The following DYNC2LI1 variants were observed in gnomAD, a reference collection of about 807,000 sequenced individuals.
The protein encoded by DYNC2LI1 is cytoplasmic dynein 2 light intermediate chain 1.
In DYNC2LI1, 45 loss-of-function variants were observed where a neutral mutation model predicts 51.9. The observed-to-expected ratio is 0.87, with a 90% CI of 0.68 to 1.11. The LOEUF (loss-of-function observed/expected upper bound fraction) is 1.11, where lower values mean the gene tolerates loss of function less well. Among genes scored for constraint, DYNC2LI1 ranks in the 50% most tolerant of loss-of-function variants. The pLI is 0.00. For missense variants in DYNC2LI1, 490 were observed against 417.4 expected, an observed-to-expected ratio of 1.17 and a Z score of -1.51; for synonymous variants, 130 against 137.8, an observed-to-expected ratio of 0.94 and a Z score of 0.40.
chr2:43,774,173 G>C (rs1208836140), intron 1 of DYNC2LI1, 27 bp downstream of exon 1: 1 of 1,613,170 alleles, frequency 6.2e-7, no homozygotes, highest in Non-Finnish European at 8.5e-7. Context: ...GCTTGCGTGG[G>C]AAAGGCTACT....
In DYNC2LI1 at chr2:43,783,454, G is replaced by A. The variant is rs181761374; in HGVS notation, c.127-66G>A. On this transcript the variant is annotated intron_variant, in intron 2 of 12. Transcript: ENST00000260605. ...AAAATCTATTTTGGGCCACAATTACGAACAATAATACAATTTTTACATATG... is the reference window on the plus strand; with the variant it reads ...AAAATCTATTTTGGGCCACAATTACAAACAATAATACAATTTTTACATATG... 21 of 1,227,070 alleles carry A rather than the reference G, an allele frequency of 1.7e-5. No homozygotes were observed. In the East Asian group the frequency reaches 1.8e-4, roughly 11 times the overall value. 76.0% of individuals were successfully genotyped at this position (1,227,070 alleles called of 1,614,324 possible). A position where few individuals can be genotyped will look rare whatever the true frequency, so the allele number is the denominator to read the frequency against.
At chr2:43,775,092 A>G (rs1387250487) in intron 1 of DYNC2LI1, among the ~76,000 whole-genome samples, 1 of 152,254 alleles carries the variant, frequency 6.6e-6, no homozygotes, top group Non-Finnish European at 1.5e-5. Flanking sequence ...GCCATGCCCT[A>G]AACTACATAT....
intron 10 of DYNC2LI1, among the ~76,000 whole-genome samples, chr2:43,803,726 A>G (rs532049373): frequency 6.6e-6 from 1 of 152,360 alleles, no homozygotes; most frequent in South Asian, 2.1e-4. Flanking sequence ...GGCAAAGCTG[A>G]ATAACATCAG....
At chr2:43,816,707 C>T in the DYNC2LI1 span, among the ~76,000 whole-genome samples, 1 of 152,142 alleles carries the variant, frequency 6.6e-6, no homozygotes. Flanking sequence ...CCACACCCAC[C>T]TAATTCATAT....
the DYNC2LI1 span, among the ~76,000 whole-genome samples, chr2:43,825,195 G>C: frequency 3.3e-5 from 5 of 152,176 alleles, no homozygotes; most frequent in Non-Finnish European, 5.9e-5. Context: ...CCCTGCATCA[G>C]TATTCTTGGA....
At chr2:43,810,552 G>C (rs1666445612), downstream of DYNC2LI1, 1 of 977,264 alleles carries the variant, frequency 1.0e-6, no homozygotes, top group Non-Finnish European at 1.2e-6. Flanking sequence ...GATTAAAAAT[G>C]ATTTATTCTA....
the DYNC2LI1 span, chr2:43,827,950 C>T: frequency 1.2e-6 from 2 of 1,612,996 alleles, no homozygotes; most frequent in Admixed American, 1.7e-5. Flanking sequence ...GATGCCCAGA[C>T]AGCAGCTAGT....
the DYNC2LI1 span, among the ~76,000 whole-genome samples, chr2:43,819,282 G>C: frequency 6.6e-6 from 1 of 151,940 alleles, no homozygotes; most frequent in African/African-American, 2.4e-5. Flanking sequence ...TTAAAAATGT[G>C]TGTGGATACA....
At chr2:43,813,558 C>G (rs1666600739), downstream of DYNC2LI1, among the ~76,000 whole-genome samples, 3 of 151,974 alleles carry the variant, frequency 2.0e-5, no homozygotes, top group African/African-American at 2.4e-5. Flanking sequence ...ATCATGATCC[C>G]TTAGCACAGA....
At chr2:43,816,085 A>G in the DYNC2LI1 span, among the ~76,000 whole-genome samples, 1 of 152,198 alleles carries the variant, frequency 6.6e-6, no homozygotes, top group Non-Finnish European at 1.5e-5. Context: ...GTCAAACACA[A>G]AATGTTCCAC....
chr2:43,828,340 A>G, the DYNC2LI1 span: 1 of 616,324 alleles, frequency 1.6e-6, no homozygotes, highest in Non-Finnish European at 2.8e-6. Context: ...TGAATTTTTT[A>G]AAACGTCCCC....
chr2:43,824,505 A>G, the DYNC2LI1 span: 2 of 1,599,620 alleles, frequency 1.3e-6, no homozygotes, highest in Non-Finnish European at 1.7e-6. Flanking sequence ...TACAATTGGT[A>G]CAGGAGTACT....
At chr2:43,796,663 T>G (rs1674050368) in intron 7 of DYNC2LI1, 55 bp from the exon 8 acceptor site, 2 of 1,275,724 alleles carry the variant, frequency 1.6e-6, no homozygotes, top group South Asian at 2.5e-5. Flanking sequence ...AATTTGAATC[T>G]TCCTGCTATA....
the DYNC2LI1 span, chr2:43,819,929 T>C: frequency 3.1e-6 from 5 of 1,614,134 alleles, no homozygotes; most frequent in Admixed American, 5.0e-5. Flanking sequence ...GGAATCCAGA[T>C]CCAACAAGCA....
At chr2:43,781,012 A>G (rs1673254396) in intron 2 of DYNC2LI1, among the ~76,000 whole-genome samples, 1 of 152,158 alleles carries the variant, frequency 6.6e-6, no homozygotes. Context: ...TTCCCAGATT[A>G]GTTTATGTTA....
the DYNC2LI1 span, chr2:43,824,514 C>T: frequency 6.3e-7 from 1 of 1,597,846 alleles, no homozygotes; most frequent in Non-Finnish European, 8.5e-7. Context: ...TACAGGAGTA[C>T]TGGCCATAAT....
chr2:43,804,770 A>T, intron 11 of DYNC2LI1, 31 bp downstream of exon 11: 1 of 1,373,930 alleles, frequency 7.3e-7, no homozygotes, highest in Non-Finnish European at 1.0e-6. Context: ...TAAAAGCAAG[A>T]CTTTTAGCAC....
chr2:43,824,594 C>A, the DYNC2LI1 span: 2 of 985,394 alleles, frequency 2.0e-6, no homozygotes, highest in Non-Finnish European at 2.4e-6. Flanking sequence ...TAAAGCATCC[C>A]AGCAGGGCCT....
intron 12 of DYNC2LI1, among the ~76,000 whole-genome samples, chr2:43,807,104 C>G (rs938553584): frequency 2.6e-5 from 4 of 152,108 alleles, no homozygotes; most frequent in Non-Finnish European, 4.4e-5. Flanking sequence ...TGACATTCTA[C>G]TATATAAAAT....
Sources: allele counts gnomAD v4.1 joint callset (sites outside exome capture counted in the v4.1 genomes callset), GRCh38; gene constraint gnomAD v4.1.1; transcripts MANE v1.5; gene names NCBI Gene and HGNC (gene_info 2026-07-23, HGNC 2026-07-21).